BNC2: variants seen among roughly 807,000 people sequenced by gnomAD.
BNC2 encodes basonuclin zinc finger protein 2.
A neutral mutation model predicts 76.3 loss-of-function variants in BNC2; 20 were observed. The ratio of observed to expected loss-of-function variants is 0.26; its 90% CI spans 0.18 to 0.38. The LOEUF (loss-of-function observed/expected upper bound fraction) is 0.38, where lower values mean the gene tolerates loss of function less well. BNC2 is among the 10% of genes least tolerant of loss of function. The pLI is 1.00. For missense variants in BNC2, 1,382 were observed against 1,399.8 expected (o/e 0.99, Z 0.20); for synonymous variants, 582 against 514.8 (o/e 1.13, Z -1.77).
chr9:16,751,266 T>A (rs202181170), intron 1 of BNC2, among the ~76,000 whole-genome samples: 2 of 145,678 alleles, frequency 1.4e-5, no homozygotes, highest in African/African-American at 2.5e-5. Flanking sequence ...GAAAATGGTT[T>A]AAAAAAAAAA....
chr9:16,868,062 G>C (rs1478971170), intron 1 of BNC2: 1 of 152,166 alleles, frequency 6.6e-6, no homozygotes, highest in Non-Finnish European at 1.5e-5. Flanking sequence ...GCTGCAACAT[G>C]AAAGTACTTT....
At chr9:16,552,885 C>T (rs1283417812) in intron 4 of BNC2, 120 bp from the exon 5 acceptor site, 3 of 779,156 alleles carry the variant, frequency 3.9e-6, no homozygotes, top group African/African-American at 1.7e-5. Context: ...CATGAATGTT[C>T]GCCATAGGTG....
At position 16,436,663 on chromosome 9, in the gene BNC2, T is replaced by A; in HGVS notation, c.1531A>T (p.Ile511Phe). The A allele has an allele frequency of 1.2e-6, 2 of 1,614,120 alleles. No homozygotes were observed. Among genetic ancestry groups the A allele is most frequent in the Non-Finnish European group, 1.7e-6 (2 of 1,180,014 alleles). The change falls in exon 6 of 7, where the codon ATT becomes TTT. Residue 511 changes from isoleucine (I) to phenylalanine (F), a missense_variant. By Grantham distance (21) the Ile-to-Phe change is conservative. Transcript: ENST00000380672. ...GTGGCAGCTCCTGAGGTGGCCCGAATTAAATCTTTATCTCGGTTATTCCTT... is the reference window on the plus strand; with the variant it reads ...GTGGCAGCTCCTGAGGTGGCCCGAAATAAATCTTTATCTCGGTTATTCCTT... ...MLRNNRDKDLIRATSGAATPV... is the reference protein window; with the variant it reads ...MLRNNRDKDLFRATSGAATPV...
rs527542897 is a variant in BNC2 at position 16,484,096 on chromosome 9, G to C, written c.670-46572C>G. ...AAATGACCCCAAGGCTTTTGACGTG[G>C]TGTCATGTCCCCTCCAAACTCAGGC... On this transcript the variant is annotated intron_variant, in intron 5 of 6. Coordinates refer to ENST00000380672, the MANE Select transcript of BNC2 (RefSeq NM_017637.6). Among the ~76,000 whole-genome samples the C allele has an allele frequency of 2.2e-4, 33 of 152,252 alleles. 1 individual carries two copies. The highest frequency in any genetic ancestry group is 6.8e-3 in the Middle Eastern group (2 of 294).
At chr9:16,789,814 C>G (rs1312820878) in intron 1 of BNC2, among the ~76,000 whole-genome samples, 1 of 152,198 alleles carries the variant, frequency 6.6e-6, no homozygotes, top group East Asian at 1.9e-4. Context: ...TGCTGCCTGG[C>G]ACACTGCAGA....
chr9:16,738,559 T>TTTTC (rs1824749461), intron 1 of BNC2, 74 bp from the exon 2 acceptor site: 1 of 1,397,892 alleles, frequency 7.2e-7, no homozygotes, highest in Non-Finnish European at 9.4e-7. Flanking sequence ...ACATCAAAAC[T>TTTTC]TTAAGAAATT....
chr9:16,629,488 G>T (rs755510369), intron 3 of BNC2, among the ~76,000 whole-genome samples: 2 of 152,118 alleles, frequency 1.3e-5, no homozygotes, highest in African/African-American at 2.4e-5. Flanking sequence ...CTGATCAAGG[G>T]CAAGTACTTA....
At chr9:16,487,208 G>A (rs1449301029) in intron 5 of BNC2, among the ~76,000 whole-genome samples, 2 of 152,126 alleles carry the variant, frequency 1.3e-5, no homozygotes, top group East Asian at 1.9e-4. Flanking sequence ...GGGGTCAAAC[G>A]TCCTCTCCTA....
At chr9:16,762,149 A>G (rs913323881) in intron 1 of BNC2, among the ~76,000 whole-genome samples, 2 of 152,148 alleles carry the variant, frequency 1.3e-5, no homozygotes, top group Non-Finnish European at 2.9e-5. Context: ...CTGGAAGGTG[A>G]GCGTTGATCC....
intron 1 of BNC2, among the ~76,000 whole-genome samples, chr9:16,769,007 T>A (rs1286569217): frequency 6.6e-6 from 1 of 152,292 alleles, no homozygotes; most frequent in South Asian, 2.1e-4. Flanking sequence ...TCCAGGTTTC[T>A]GACTTCCAGA....
intron 3 of BNC2, among the ~76,000 whole-genome samples, chr9:16,634,544 C>G (rs1157680881): frequency 1.3e-5 from 2 of 150,666 alleles, no homozygotes; most frequent in African/African-American, 2.5e-5. Context: ...TTCTGTCACC[C>G]AGGCTGGAGT....
intron 1 of BNC2, among the ~76,000 whole-genome samples, chr9:16,844,521 G>A (rs1262539388): frequency 2.1e-5 from 3 of 142,924 alleles, no homozygotes; most frequent in Non-Finnish European, 3.0e-5. Flanking sequence ...TTTTTGAGAC[G>A]GAGTCTCGCT....
chr9:16,632,220 T>C (rs557794067), intron 3 of BNC2, among the ~76,000 whole-genome samples: 25 of 152,276 alleles, frequency 1.6e-4, no homozygotes, highest in African/African-American at 5.8e-4. Flanking sequence ...GTTATTTTTA[T>C]TTCAAACAAG....
intron 2 of BNC2, 131 bp downstream of exon 2, chr9:16,738,229 G>C: frequency 2.0e-6 from 2 of 1,015,746 alleles, no homozygotes; most frequent in South Asian, 1.4e-5. Flanking sequence ...GAGTTTCATA[G>C]AATGAGGATA....
chr9:16,419,522 C>A lies in BNC2; in HGVS notation c.2767G>T (p.Ala923Ser), dbSNP rs145962490. The change falls in exon 7 of 7, where the codon GCC becomes TCC. Residue 923 changes from alanine to serine, a missense_variant. Transcript: ENST00000380672. ...RDEFLVKIYG[A>S]QHPMGLDVRE... ...ACATCGAGCCCCATGGGGTGCTGGGCACCATATATCTTCACCAAAAATTCA... is the reference window on the plus strand; with the variant it reads ...ACATCGAGCCCCATGGGGTGCTGGGAACCATATATCTTCACCAAAAATTCA... 6 of 1,613,996 alleles carry A rather than the reference C, an allele frequency of 3.7e-6. No homozygotes were observed. Among genetic ancestry groups the A allele is most frequent in the Non-Finnish European group, 4.2e-6 (5 of 1,180,020 alleles).
At chr9:16,866,987 T>C (rs1292089776) in intron 1 of BNC2, among the ~76,000 whole-genome samples, 8 of 152,190 alleles carry the variant, frequency 5.3e-5, no homozygotes, top group African/African-American at 1.9e-4. Flanking sequence ...CGTTGCTCCT[T>C]ATATATTTAT....
At chr9:16,813,466 C>T (rs149745315) in intron 1 of BNC2, among the ~76,000 whole-genome samples, 202 of 152,004 alleles carry the variant, frequency 1.3e-3, no homozygotes, top group African/African-American at 4.6e-3. Flanking sequence ...GGGGTTTCAC[C>T]GTGTTAGCCA....
At chr9:16,703,757 CAT>C (rs1163669118) in intron 3 of BNC2, among the ~76,000 whole-genome samples, 1 of 152,116 alleles carries the variant, frequency 6.6e-6, no homozygotes, top group Admixed American at 6.5e-5. Flanking sequence ...CGGGTCCACT[CAT>C]AGTTTACTTT....
At chr9:16,570,162 C>T (rs1289062158) in intron 4 of BNC2, among the ~76,000 whole-genome samples, 1 of 152,058 alleles carries the variant, frequency 6.6e-6, no homozygotes, top group African/African-American at 2.4e-5. Flanking sequence ...AAAGGCAAGG[C>T]ATATTTACTA....
Sources: gnomAD v4.1 joint callset for allele counts (sites outside exome capture counted in the v4.1 genomes callset) on GRCh38, gnomAD v4.1.1 for gene constraint, MANE v1.5 for transcripts, NCBI Gene and HGNC (gene_info 2026-07-23, HGNC 2026-07-21) for gene names.